Variants in TOP6BL observed in about 807,000 individuals in gnomAD.
TOP6BL encodes type 2 DNA topoisomerase 6 subunit B-like.
the TOP6BL span, chr11:66,839,081 G>A: frequency 2.2e-6 from 1 of 455,896 alleles, no homozygotes; most frequent in Non-Finnish European, 4.4e-6. Context: ...CAGTGCGTGG[G>A]TTGTGATTGC....
At chr11:66,744,782 T>C in the TOP6BL span, 5 of 1,248,328 alleles carry the variant, frequency 4.0e-6, no homozygotes, top group Admixed American at 1.7e-4. Context: ...GACTCGGGCG[T>C]GGGCACTGGC....
chr11:66,814,071 A>T, the TOP6BL span: 1 of 1,508,188 alleles, frequency 6.6e-7, no homozygotes, highest in East Asian at 2.3e-5. Flanking sequence ...TATTAGATAA[A>T]TGAAAGGAAA....
chr11:66,761,068 A>C, the TOP6BL span, among the ~76,000 whole-genome samples: 1 of 151,642 alleles, frequency 6.6e-6, no homozygotes, highest in South Asian at 2.1e-4. Context: ...GAAATAATAG[A>C]TTTGTATAGA....
the TOP6BL span, among the ~76,000 whole-genome samples, chr11:66,775,482 A>T: frequency 2.0e-5 from 3 of 152,320 alleles, no homozygotes; most frequent in African/African-American, 7.2e-5. Context: ...TGGGTCATGT[A>T]ACTTGCCAGG....
the TOP6BL span, chr11:66,814,092 A>G: frequency 7.0e-7 from 1 of 1,420,968 alleles, no homozygotes; most frequent in East Asian, 2.3e-5. Flanking sequence ...TATGAATAGA[A>G]CGTGTGTATA....
chr11:66,755,180 G>A, the TOP6BL span, among the ~76,000 whole-genome samples: 1 of 151,624 alleles, frequency 6.6e-6, no homozygotes, highest in African/African-American at 2.4e-5. Flanking sequence ...AGGTGCAGTG[G>A]TGTGATATCA....
the TOP6BL span, among the ~76,000 whole-genome samples, chr11:66,764,640 G>C: frequency 6.7e-6 from 1 of 149,426 alleles, no homozygotes; most frequent in African/African-American, 2.5e-5. Flanking sequence ...ACTCCAGCTC[G>C]GGCGACAATG....
At chr11:66,787,715 G>A in the TOP6BL span, among the ~76,000 whole-genome samples, 9 of 141,750 alleles carry the variant, frequency 6.3e-5, no homozygotes, top group East Asian at 4.1e-4. Context: ...GTAAGACTCC[G>A]ACTCAAAAAA....
chr11:66,842,614 C>T, the TOP6BL span, among the ~76,000 whole-genome samples: 1 of 152,110 alleles, frequency 6.6e-6, no homozygotes, highest in Non-Finnish European at 1.5e-5. Context: ...CAAGTGAGGG[C>T]TCGGGACAAT....
chr11:66,811,135 G>C, the TOP6BL span, among the ~76,000 whole-genome samples: 1 of 151,806 alleles, frequency 6.6e-6, no homozygotes, highest in Admixed American at 6.6e-5. Flanking sequence ...GCATGTGTGT[G>C]TGTGACATAT....
chr11:66,747,975 A>C, the TOP6BL span, among the ~76,000 whole-genome samples: 1 of 152,194 alleles, frequency 6.6e-6, no homozygotes, highest in Non-Finnish European at 1.5e-5. Context: ...TTAATGAAAG[A>C]TCAAGATGAT....
the TOP6BL span, among the ~76,000 whole-genome samples, chr11:66,842,249 T>G: frequency 1.3e-5 from 2 of 152,190 alleles, no homozygotes; most frequent in Non-Finnish European, 2.9e-5. Context: ...GAAACCCTTC[T>G]TCACATCCAG....
At chr11:66,774,287 A>G in the TOP6BL span, among the ~76,000 whole-genome samples, 4 of 152,106 alleles carry the variant, frequency 2.6e-5, no homozygotes, top group African/African-American at 2.4e-5. Flanking sequence ...CTAAGATTCT[A>G]TATATGCTTG....
the TOP6BL span, among the ~76,000 whole-genome samples, chr11:66,764,934 C>T: frequency 1.3e-5 from 2 of 151,788 alleles, no homozygotes; most frequent in Non-Finnish European, 2.9e-5. Flanking sequence ...CGCCACTGCA[C>T]TACAGCCTTG....
chr11:66,767,344 T>C, the TOP6BL span, among the ~76,000 whole-genome samples: 34 of 152,208 alleles, frequency 2.2e-4, no homozygotes, highest in Admixed American at 2.2e-3. Context: ...TAAATGTCTT[T>C]TAGTGAAACA....
chr11:66,806,845 G>A, the TOP6BL span, among the ~76,000 whole-genome samples: 1 of 152,194 alleles, frequency 6.6e-6, no homozygotes, highest in Non-Finnish European at 1.5e-5. Flanking sequence ...AGATACCATA[G>A]TATCTTTTAG....
At chr11:66,834,136 T>C in the TOP6BL span, among the ~76,000 whole-genome samples, 1 of 152,226 alleles carries the variant, frequency 6.6e-6, no homozygotes, top group Non-Finnish European at 1.5e-5. Flanking sequence ...GATTTTCACT[T>C]TAATCTCTGC....
the TOP6BL span, among the ~76,000 whole-genome samples, chr11:66,768,889 G>A: frequency 6.6e-6 from 1 of 152,134 alleles, no homozygotes; most frequent in Non-Finnish European, 1.5e-5. Context: ...AGAGATCCTG[G>A]GAGCTGGCTC....
At chr11:66,763,471 CATT>C in the TOP6BL span, among the ~76,000 whole-genome samples, 12 of 151,574 alleles carry the variant, frequency 7.9e-5, no homozygotes, top group South Asian at 6.2e-4. Flanking sequence ...AGATTTTAAA[CATT>C]ATTATTATTA....
Sources: gnomAD v4.1 joint callset for allele counts (sites outside exome capture counted in the v4.1 genomes callset) on GRCh38, gnomAD v4.1.1 for gene constraint, MANE v1.5 for transcripts, NCBI Gene and HGNC (gene_info 2026-07-23, HGNC 2026-07-21) for gene names.